Variants in SPHKAP observed in about 807,000 individuals in gnomAD.
SPHKAP encodes A-kinase anchor protein SPHKAP.
Under a neutral mutation model 137.5 loss-of-function variants are expected in SPHKAP, and 67 were observed. That is an observed-to-expected ratio of 0.49 (90% CI 0.40 to 0.60). The LOEUF (loss-of-function observed/expected upper bound fraction) is 0.60, where lower values mean the gene tolerates loss of function less well. Ranked by LOEUF, SPHKAP falls within the 20% of genes least tolerant of loss-of-function variation. SPHKAP has a pLI of 0.00. For synonymous variants in SPHKAP, 813 were observed against 785.3 expected (o/e 1.04, Z -0.59); for missense variants, 2,097 against 2,069.3 (o/e 1.01, Z -0.26).
chr2:227,982,806 C>G (rs1015660003), intron 11 of SPHKAP, among the ~76,000 whole-genome samples: 25 of 152,196 alleles, frequency 1.6e-4, no homozygotes, highest in African/African-American at 6.0e-4. Context: ...ATCACCGCAC[C>G]TTTCTGCATT....
At chr2:228,131,633 A>G (rs185788922) in intron 2 of SPHKAP, 181 of 307,226 alleles carry the variant, frequency 5.9e-4, no homozygotes, top group Admixed American at 4.1e-3. Flanking sequence ...CAGATTTAGT[A>G]ACTTAATATA....
intron 2 of SPHKAP, among the ~76,000 whole-genome samples, chr2:228,115,292 T>C (rs1008038259): frequency 2.0e-5 from 3 of 152,086 alleles, no homozygotes; most frequent in African/African-American, 7.2e-5. Context: ...CTCCTGTTAG[T>C]TATTACTTTT....
intron 3 of SPHKAP, among the ~76,000 whole-genome samples, chr2:228,028,681 C>T (rs1695157436): frequency 6.6e-6 from 1 of 152,086 alleles, no homozygotes; most frequent in Non-Finnish European, 1.5e-5. Context: ...GGTTTATAGC[C>T]TAGGAGTAAT....
intron 1 of SPHKAP, among the ~76,000 whole-genome samples, chr2:228,174,408 G>A (rs780286178): frequency 1.6e-4 from 24 of 152,018 alleles, no homozygotes; most frequent in African/African-American, 4.3e-4. Context: ...GAAGGACTCC[G>A]GAGTGGAAAT....
intron 2 of SPHKAP, chr2:228,109,525 G>T (rs1288393655): frequency 9.3e-6 from 2 of 215,778 alleles, no homozygotes; most frequent in Non-Finnish European, 1.6e-5. Flanking sequence ...AAAAATAATT[G>T]GAATACATGA....
chr2:228,162,275 A>G (rs1215657170), intron 1 of SPHKAP, among the ~76,000 whole-genome samples: 5 of 152,194 alleles, frequency 3.3e-5, no homozygotes, highest in Non-Finnish European at 5.9e-5. Context: ...CTGCCTTTTT[A>G]TATCTGCATT....
At chr2:228,063,143 CCTATCTATCTATCTAT>C (rs71043020) in intron 3 of SPHKAP, among the ~76,000 whole-genome samples, 2,694 of 145,950 alleles carry the variant, frequency 0.018, 79 homozygotes, top group African/African-American at 0.063. Context: ...TAGATAGATC[CCTATCTATCTATCTAT>C]CTATCTATCT....
In SPHKAP at chr2:228,019,525, T is replaced by C; in HGVS notation, c.1329A>G (p.Ser443=). The part of the protein sequence containing the change: ...YSTKDTVVSR[S]WNELPKIVVV... ...CGACGATTTTGGGGAGCTCATTCCA[T>C]GACCGAGAAACCACTGTATCTTTTG... The change falls in exon 7 of 12, where the codon TCA becomes TCG. Residue 443 remains serine, a synonymous_variant. Transcript: ENST00000392056. The C allele has an allele frequency of 6.2e-7, 1 of 1,614,180 alleles. No homozygotes were observed. The highest frequency in any genetic ancestry group is 1.1e-5 in the South Asian group (1 of 91,076).
chr2:228,100,646 A>C (rs997640585), intron 3 of SPHKAP, among the ~76,000 whole-genome samples: 3 of 152,148 alleles, frequency 2.0e-5, no homozygotes, highest in Non-Finnish European at 4.4e-5. Context: ...AATCACATTA[A>C]TTGATTTGTA....
intron 3 of SPHKAP, among the ~76,000 whole-genome samples, chr2:228,063,212 TTACCTGTCTATC>T (rs137951162): frequency 0.096 from 14,203 of 147,622 alleles, 766 homozygotes; most frequent in East Asian, 0.2. Flanking sequence ...ATCTATCTAT[TTACCTGTCTATC>T]TACCTGTCTA....
intron 9 of SPHKAP, among the ~76,000 whole-genome samples, chr2:227,992,470 C>T (rs1319473933): frequency 6.6e-6 from 1 of 151,974 alleles, no homozygotes; most frequent in Non-Finnish European, 1.5e-5. Context: ...TACAGATTTT[C>T]CCTGGGGTTG....
intron 2 of SPHKAP, among the ~76,000 whole-genome samples, chr2:228,128,139 G>T (rs758010181): frequency 1.1e-4 from 16 of 152,156 alleles, no homozygotes; most frequent in Non-Finnish European, 2.4e-4. Flanking sequence ...TTTCATGAAA[G>T]ATTTCTCTGG....
chr2:228,004,608 G>C (rs1417070395), intron 7 of SPHKAP, among the ~76,000 whole-genome samples: 1 of 152,132 alleles, frequency 6.6e-6, no homozygotes, highest in Admixed American at 6.5e-5. Flanking sequence ...TCTTTTGCAT[G>C]TGTTTGCTCT....
chr2:228,175,391 ATAT>A (rs1700709818), intron 1 of SPHKAP, among the ~76,000 whole-genome samples: 1 of 152,224 alleles, frequency 6.6e-6, no homozygotes, highest in African/African-American at 2.4e-5. Context: ...ATATGTGATG[ATAT>A]TAGCACAAAA....
rs1027336555 is a variant in SPHKAP at position 228,069,084 on chromosome 2, T to C, written c.246+39748A>G. ...GAGTTCAAGACCAGCCTGGCTAACATGGCAAAACCCCGTCTCTACTAAAAA... is the reference window on the plus strand; with the variant it reads ...GAGTTCAAGACCAGCCTGGCTAACACGGCAAAACCCCGTCTCTACTAAAAA... On this transcript the variant is annotated intron_variant, in intron 3 of 11. Transcript: ENST00000392056. Among the ~76,000 whole-genome samples the C allele has an allele frequency of 6.6e-4, 100 of 152,078 alleles. 1 individual carries two copies. The highest frequency in any genetic ancestry group is 2.0e-4 in the Admixed American group (3 of 15,270).
At chr2:228,006,779 G>T (rs546613773) in intron 7 of SPHKAP, among the ~76,000 whole-genome samples, 20 of 152,306 alleles carry the variant, frequency 1.3e-4, no homozygotes, top group African/African-American at 4.8e-4. Flanking sequence ...TCAGCTGCAG[G>T]TCTGTTGGAG....
intron 7 of SPHKAP, among the ~76,000 whole-genome samples, chr2:228,004,138 A>G (rs1214963610): frequency 1.3e-5 from 2 of 152,204 alleles, no homozygotes; most frequent in Admixed American, 6.5e-5. Flanking sequence ...AAAGATTGGT[A>G]CCAGCTCCTC....
intron 1 of SPHKAP, among the ~76,000 whole-genome samples, chr2:228,164,299 T>C (rs1700358632): frequency 6.6e-6 from 1 of 152,168 alleles, no homozygotes; most frequent in South Asian, 2.1e-4. Flanking sequence ...TTTCAGACTT[T>C]GACTGAGCCA....
chr2:227,995,787 A>C (rs1693619969), intron 7 of SPHKAP, 93 bp from the exon 8 acceptor site: 1 of 1,375,772 alleles, frequency 7.3e-7, no homozygotes, highest in Admixed American at 2.9e-5. Flanking sequence ...CCCAATAAAC[A>C]GGATGTCACT....
Sources: allele counts gnomAD v4.1 joint callset (sites outside exome capture counted in the v4.1 genomes callset), GRCh38; gene constraint gnomAD v4.1.1; transcripts MANE v1.5; gene names NCBI Gene and HGNC (gene_info 2026-07-23, HGNC 2026-07-21).